Variants in DOCK5 observed in about 807,000 individuals in gnomAD.
The protein encoded by DOCK5 is dedicator of cytokinesis 5, also known as dedicator of cytokinesis protein 5.
A neutral mutation model predicts 251.8 loss-of-function variants in DOCK5; 142 were observed. That is an observed-to-expected ratio of 0.56 (90% CI 0.49 to 0.65). The LOEUF (loss-of-function observed/expected upper bound fraction) is 0.65. Ranked by LOEUF, DOCK5 falls within the 30% of genes least tolerant of loss-of-function variation. DOCK5 has a pLI of 0.00. For synonymous variants in DOCK5, 842 were observed against 835.5 expected (o/e 1.01, Z -0.13); for missense variants, 2,111 against 2,312.3 (o/e 0.91, Z 1.79).
chr8:25,238,539 G>A lies in DOCK5; in HGVS notation c.44-5135G>A, dbSNP rs1424485679. Reference sequence around the variant, plus strand: ...AGATTGTACAAACATCCTCTAAGCGGTGACTTTTCATTCCAGTGAAAGGCA... The same window carrying A: ...AGATTGTACAAACATCCTCTAAGCGATGACTTTTCATTCCAGTGAAAGGCA... On this transcript the variant is annotated intron_variant, in intron 1 of 51. Coordinates refer to ENST00000276440, the MANE Select transcript of DOCK5 (RefSeq NM_024940.8). 3.3e-5 allele frequency among the ~76,000 whole-genome samples: 5 copies of A among 152,214 alleles called. No individual in the cohort carries two copies. In the East Asian group the frequency reaches 7.7e-4, roughly 23 times the overall value.
intron 20 of DOCK5, among the ~76,000 whole-genome samples, chr8:25,333,092 A>C (rs1290369029): frequency 6.6e-6 from 1 of 152,228 alleles, no homozygotes; most frequent in East Asian, 1.9e-4. Context: ...ATTAGGCAGA[A>C]TATTCAACCC....
rs187044950 is a variant in DOCK5, at chr8:25,400,597, A to G, written c.4789-332A>G. Among the ~76,000 whole-genome samples the G allele has an allele frequency of 2.5e-3, 385 of 151,866 alleles. 2 individuals are homozygous for G. Among genetic ancestry groups the G allele is most frequent in the Non-Finnish European group, 3.7e-3 (251 of 67,948 alleles). ...TTTTTCTCTCAAGACTTCAGTGGGC[A>G]GTGGTAGAAAACATGACTACCAAAT... On this transcript the variant is annotated intron_variant, in intron 46 of 51. Transcript: ENST00000276440.
intron 2 of DOCK5, among the ~76,000 whole-genome samples, chr8:25,252,511 C>T (rs1035113595): frequency 4.6e-5 from 7 of 152,232 alleles, no homozygotes; most frequent in African/African-American, 1.7e-4. Flanking sequence ...TTTTATGACG[C>T]TGCGTGCAAA....
chr8:25,224,749 G>A (rs968782869), intron 1 of DOCK5, among the ~76,000 whole-genome samples: 5 of 152,102 alleles, frequency 3.3e-5, no homozygotes, highest in African/African-American at 1.2e-4. Context: ...CAACCCCCAT[G>A]TGTTTTATAA....
At chr8:25,376,280 G>A (rs995463417) in intron 37 of DOCK5, 1 of 985,122 alleles carries the variant, frequency 1.0e-6, no homozygotes, top group Admixed American at 6.1e-5. Flanking sequence ...TATGAGGTAT[G>A]AATGCAGCTT....
intron 16 of DOCK5, among the ~76,000 whole-genome samples, chr8:25,321,442 AAAT>A (rs148598567): frequency 0.03 from 4,551 of 152,286 alleles, 237 homozygotes; most frequent in African/African-American, 0.1. Context: ...ATATATAATG[AAAT>A]AATTATACAA....
chr8:25,223,837 C>T (rs1171143922), intron 1 of DOCK5, among the ~76,000 whole-genome samples: 3 of 152,082 alleles, frequency 2.0e-5, no homozygotes, highest in African/African-American at 4.8e-5. Context: ...AACAGCGAGA[C>T]CCTGTACTTT....
chr8:25,279,782 T>C (rs1368466597), intron 5 of DOCK5, among the ~76,000 whole-genome samples: 2 of 105,116 alleles, frequency 1.9e-5, no homozygotes, highest in African/African-American at 6.5e-5. Context: ...GCCTGGCTAA[T>C]TTTTTTTTTT....
intron 1 of DOCK5, among the ~76,000 whole-genome samples, chr8:25,230,452 T>C (rs928985965): frequency 3.9e-5 from 6 of 152,258 alleles, no homozygotes; most frequent in Admixed American, 2.0e-4. Flanking sequence ...CCATCAATTA[T>C]GTAAACAGGT....
chr8:25,382,254 G>A (rs7837041), intron 39 of DOCK5, among the ~76,000 whole-genome samples: 42,871 of 152,000 alleles, frequency 0.28, 6,843 homozygotes, highest in East Asian at 0.39. Flanking sequence ...AAGGATTATA[G>A]GCGTGAGCCA....
chr8:25,372,952 G>C (rs1800900415), intron 35 of DOCK5, among the ~76,000 whole-genome samples: 1 of 151,924 alleles, frequency 6.6e-6, no homozygotes, highest in Non-Finnish European at 1.5e-5. Context: ...TTTTATTTCA[G>C]TAGGTTTGGG....
intron 1 of DOCK5, among the ~76,000 whole-genome samples, chr8:25,191,109 A>T (rs1274719327): frequency 1.3e-5 from 2 of 151,996 alleles, no homozygotes; most frequent in Admixed American, 1.3e-4. Context: ...ACCATTCTGA[A>T]CCCTTTATTT....
intron 18 of DOCK5, among the ~76,000 whole-genome samples, chr8:25,331,514 C>T (rs967904914): frequency 6.6e-6 from 1 of 152,104 alleles, no homozygotes; most frequent in African/African-American, 2.4e-5. Flanking sequence ...TTATCCCAGA[C>T]TTATGCTAAG....
chr8:25,358,523 C>T (rs1311246151), intron 27 of DOCK5, among the ~76,000 whole-genome samples: 1 of 152,088 alleles, frequency 6.6e-6, no homozygotes, highest in East Asian at 1.9e-4. Context: ...TCATCGCTTG[C>T]CCTCCTCTCC....
rs761144067 is a variant in DOCK5, at chr8:25,369,597, A to C, written c.3480A>C (p.Glu1160Asp). 11 of 1,611,892 alleles carry C rather than the reference A, an allele frequency of 6.8e-6. No homozygotes were observed. In the Admixed American group the frequency reaches 1.5e-4, roughly 22 times the overall value. ...TCACAAAGCTGGACCAGGAGGTAGAAGGGGGCAGAGGAGACGAACAATACA... is the reference window on the plus strand; with the variant it reads ...TCACAAAGCTGGACCAGGAGGTAGACGGGGGCAGAGGAGACGAACAATACA... ...ELITKLDQEV[E>D]GGRGDEQYKV... The change falls in exon 34 of 52, where the codon GAA becomes GAC. Residue 1160 changes from glutamate (E) to aspartate (D), a missense_variant. By Grantham distance (45) the Glu-to-Asp change is conservative. This residue lies in a region of DOCK5 where 1,717 missense variants were observed against 1,892.4 expected (regional missense o/e 0.91). Transcript: ENST00000276440.
intron 1 of DOCK5, among the ~76,000 whole-genome samples, chr8:25,208,233 G>C (rs1053448213): frequency 1.3e-5 from 2 of 152,188 alleles, no homozygotes; most frequent in African/African-American, 2.4e-5. Context: ...TCTTGGTGAA[G>C]ATGCTGTGAA....
rs769588650 is a variant in DOCK5, at chr8:25,403,707, C to A, written c.5076C>A (p.Ser1692=). Residue 1692 remains serine, a synonymous_variant, in exon 48 of 52, where the codon TCC becomes TCA. Coordinates refer to ENST00000276440, the MANE Select transcript of DOCK5 (RefSeq NM_024940.8). The stretch of plus-strand genomic sequence containing the variant: ...CAAACTCGTCTGACAATGCTCCTTC[C>A]AGACCGGGATCTGATGGGTAAGGGT... ...TSSNSSDNAP[S]RPGSDGSILE... is the part of the protein sequence containing the mutation. The A allele has an allele frequency of 1.2e-6, 2 of 1,613,924 alleles. No individual in the cohort carries two copies. Among genetic ancestry groups the A allele is most frequent in the Admixed American group, 3.3e-5 (2 of 60,022 alleles).
chr8:25,208,575 T>C (rs1802056367), intron 1 of DOCK5, among the ~76,000 whole-genome samples: 1 of 152,238 alleles, frequency 6.6e-6, no homozygotes, highest in Non-Finnish European at 1.5e-5. Flanking sequence ...GCTCAGATGA[T>C]CATATGCATT....
chr8:25,397,538 A>G (rs1006279767), intron 45 of DOCK5, among the ~76,000 whole-genome samples: 16 of 152,218 alleles, frequency 1.1e-4, no homozygotes, highest in African/African-American at 3.6e-4. Flanking sequence ...GACAAATTCT[A>G]GTTTCTCCAT....
Sources: allele counts gnomAD v4.1 joint callset (sites outside exome capture counted in the v4.1 genomes callset), GRCh38; gene constraint gnomAD v4.1.1; regional missense constraint gnomAD v4.1.1; transcripts MANE v1.5; gene names NCBI Gene and HGNC (gene_info 2026-07-23, HGNC 2026-07-21).